Variants in BRD4 observed in about 807,000 individuals in gnomAD.
BRD4 encodes the protein bromodomain containing 4, also known as bromodomain-containing protein 4.
Under a neutral mutation model 142.1 loss-of-function variants are expected in BRD4, and 16 were observed. The observed-to-expected ratio is 0.11, with a 90% confidence interval of 0.08 to 0.17. The LOEUF is 0.17. Ranked by LOEUF, BRD4 falls within the 10% of genes least tolerant of loss-of-function variation. BRD4 has a pLI of 1.00. For missense variants in BRD4, 1,424 were observed against 1,810.9 expected, an observed-to-expected ratio of 0.79 and a Z score of 3.88; for synonymous variants, 833 against 707.5, an observed-to-expected ratio of 1.18 and a Z score of -2.82.
chr19:15,325,997 C>CAAAAAAAAAA (rs35801340), intron 1 of BRD4, among the ~76,000 whole-genome samples: 11 of 50,714 alleles, frequency 2.2e-4, no homozygotes, highest in Non-Finnish European at 2.9e-4. Flanking sequence ...GACTCCGTCT[C>CAAAAAAAAAA]AAAAAAAAAA....
At chr19:15,327,797 A>T (rs2048121801) in intron 1 of BRD4, among the ~76,000 whole-genome samples, 1 of 151,336 alleles carries the variant, frequency 6.6e-6, no homozygotes, top group South Asian at 2.1e-4. Flanking sequence ...ATATTGTAGG[A>T]TTCCTGAAAT....
chr19:15,266,192 C>G (rs947588016), intron 4 of BRD4, among the ~76,000 whole-genome samples: 9 of 152,174 alleles, frequency 5.9e-5, no homozygotes, highest in African/African-American at 2.2e-4. Flanking sequence ...ACACAATGGT[C>G]ACGTGGCACA....
chr19:15,275,505 T>TGC (rs1324336770), intron 1 of BRD4, among the ~76,000 whole-genome samples: 1 of 152,186 alleles, frequency 6.6e-6, no homozygotes. Context: ...ATTAGTGAGC[T>TGC]GCACACACAC....
chr19:15,327,171 C>A (rs1169957748), intron 1 of BRD4, among the ~76,000 whole-genome samples: 2 of 152,136 alleles, frequency 1.3e-5, no homozygotes, highest in Non-Finnish European at 2.9e-5. Context: ...TCGCTGTGCA[C>A]CCTCAAAAAC....
intron 11 of BRD4, chr19:15,247,221 T>C (rs1011293489): frequency 2.9e-5 from 6 of 206,030 alleles, no homozygotes; most frequent in Middle Eastern, 3.1e-3. Context: ...TAATGGAGGG[T>C]AAGGTCAGGG....
Position 15,243,007 on chromosome 19 carries a change from TG to T in BRD4, c.3061del (p.His1021IlefsTer47), listed in dbSNP as rs2145510371. On this transcript the variant is annotated frameshift_variant, in exon 14 of 20. Coordinates refer to ENST00000679869, the MANE Select transcript of BRD4 (RefSeq NM_001379291.1). LOFTEE classifies it high-confidence loss of function. ...PPPPQGQQPPHPPPGQQPPPP... is the reference protein window; with the variant it reads ...PPPPQGQQPPXPPPGQQPPPP... ...GGGTGGCTGCTGGCCTGGGGGCGGA[TG>T]GGGGGGCTGCTGGCCCTGGGGTGGC... The T allele has an allele frequency of 1.8e-5, 4 of 226,994 alleles. No homozygotes were observed. The highest frequency in any genetic ancestry group is 1.9e-5 in the Non-Finnish European group (3 of 153,984). The allele number at this position is 226,994 out of a possible 1,614,324, so 14.1% of individuals were successfully genotyped here.
At chr19:15,295,895 C>T (rs1317385905) in intron 1 of BRD4, among the ~76,000 whole-genome samples, 2 of 152,200 alleles carry the variant, frequency 1.3e-5, no homozygotes, top group African/African-American at 2.4e-5. Flanking sequence ...TGCTTGAACC[C>T]GGCAAGTGGA....
intron 1 of BRD4, chr19:15,280,488 C>A: frequency 5.1e-6 from 5 of 986,128 alleles, no homozygotes; most frequent in Non-Finnish European, 3.6e-6. Context: ...AAGACCTCTC[C>A]CTGCAGCACC....
At chr19:15,320,115 A>G (rs979265819) in intron 1 of BRD4, among the ~76,000 whole-genome samples, 46 of 152,178 alleles carry the variant, frequency 3.0e-4, no homozygotes, top group African/African-American at 1.1e-3. Flanking sequence ...ATACTCAAGG[A>G]GACCTCCAGC....
chr19:15,321,210 C>T (rs971414414), intron 1 of BRD4, among the ~76,000 whole-genome samples: 4 of 149,018 alleles, frequency 2.7e-5, no homozygotes, highest in African/African-American at 1.0e-4. Context: ...GGCGAAAGAG[C>T]GAGACTCCAT....
intron 1 of BRD4, among the ~76,000 whole-genome samples, chr19:15,287,906 C>T (rs1467574717): frequency 6.6e-6 from 1 of 151,990 alleles, no homozygotes; most frequent in South Asian, 2.1e-4. Context: ...GTAGCTGGGA[C>T]TACAGACACG....
At chr19:15,262,967 C>T (rs1016094667) in intron 7 of BRD4, among the ~76,000 whole-genome samples, 1 of 152,182 alleles carries the variant, frequency 6.6e-6, no homozygotes, top group Non-Finnish European at 1.5e-5. Flanking sequence ...ACCCAGGACC[C>T]CCAATCAGAA....
chr19:15,314,140 C>G (rs548905940), intron 1 of BRD4, among the ~76,000 whole-genome samples: 1 of 152,296 alleles, frequency 6.6e-6, no homozygotes, highest in Non-Finnish European at 1.5e-5. Flanking sequence ...AACTTTCGTT[C>G]GCACTTCACA....
At chr19:15,301,376 C>T (rs917573192) in intron 1 of BRD4, among the ~76,000 whole-genome samples, 1 of 151,942 alleles carries the variant, frequency 6.6e-6, no homozygotes, top group Non-Finnish European at 1.5e-5. Flanking sequence ...GCCTGACCAA[C>T]ATGGTGAAAC....
intron 1 of BRD4, among the ~76,000 whole-genome samples, chr19:15,296,931 CCA>C: frequency 6.6e-6 from 1 of 152,164 alleles, no homozygotes; most frequent in South Asian, 2.1e-4. Context: ...GAAGCCCCCC[CCA>C]CCAACAGCCA....
At chr19:15,295,819 A>C (rs1299089580) in intron 1 of BRD4, among the ~76,000 whole-genome samples, 1 of 152,132 alleles carries the variant, frequency 6.6e-6, no homozygotes, top group African/African-American at 2.4e-5. Flanking sequence ...AAAAATACAA[A>C]AATTAGCCAG....
chr19:15,308,315 G>A (rs1023596077), intron 1 of BRD4, among the ~76,000 whole-genome samples: 12 of 151,356 alleles, frequency 7.9e-5, no homozygotes, highest in African/African-American at 1.7e-4. Context: ...TTGGCTGGGC[G>A]CGGTGGCTCA....
intron 1 of BRD4, chr19:15,280,304 C>T (rs1349862118): frequency 8.9e-6 from 9 of 1,011,266 alleles, no homozygotes; most frequent in Admixed American, 1.2e-4. Flanking sequence ...GAGGCCCAGT[C>T]ATCCTACACG....
chr19:15,279,641 C>G lies in BRD4; in HGVS notation c.-34-6508G>C, dbSNP rs575426837. ...TATAGATAGATACAGACATGCAGGG[C>G]AGGCTTAGTTCTGGGACTCTAAAGG... On this transcript the variant is annotated intron_variant, in intron 1 of 19. Coordinates refer to ENST00000679869, the MANE Select transcript of BRD4 (RefSeq NM_001379291.1). 2.6e-5 allele frequency among the ~76,000 whole-genome samples: 4 copies of G among 152,292 alleles called. No homozygotes were observed. In the East Asian group the frequency reaches 7.7e-4, roughly 29 times the overall value.
Sources: gnomAD v4.1 joint callset for allele counts (sites outside exome capture counted in the v4.1 genomes callset) on GRCh38, gnomAD v4.1.1 for gene constraint, MANE v1.5 for transcripts, NCBI Gene and HGNC (gene_info 2026-07-23, HGNC 2026-07-21) for gene names.